The following SUGCT variants were observed in gnomAD, a reference collection of about 807,000 sequenced individuals.
SUGCT encodes succinyl-CoA:glutarate CoA-transferase.
In SUGCT, 41 loss-of-function variants were observed where a neutral mutation model predicts 55.0. The observed-to-expected ratio is 0.74, with a 90% CI of 0.58 to 0.97. SUGCT has a LOEUF of 0.97. Ranked by LOEUF, SUGCT falls within the 50% of genes least tolerant of loss-of-function variation. The probability of loss-of-function intolerance (pLI) is 0.00; values close to 1 mark genes in which losing one functional copy is unlikely to be tolerated. For missense variants in SUGCT, 568 were observed against 547.8 expected, an observed-to-expected ratio of 1.04 and a Z score of -0.37; for synonymous variants, 187 against 200.4, an observed-to-expected ratio of 0.93 and a Z score of 0.56.
At chr7:40,866,275 A>G in the SUGCT span, among the ~76,000 whole-genome samples, 1 of 152,102 alleles carries the variant, frequency 6.6e-6, no homozygotes, top group Non-Finnish European at 1.5e-5. Context: ...ATGTGGCAAC[A>G]CGCATAACAC....
the SUGCT span, among the ~76,000 whole-genome samples, chr7:41,023,740 T>C: frequency 0.091 from 13,835 of 152,010 alleles, 1,261 homozygotes; most frequent in African/African-American, 0.23. Flanking sequence ...CAGCAGGGAT[T>C]CTGGGAAGGG....
chr7:40,455,224 T>C (rs1295570794), intron 10 of SUGCT, among the ~76,000 whole-genome samples: 1 of 152,172 alleles, frequency 6.6e-6, no homozygotes, highest in African/African-American at 2.4e-5. Flanking sequence ...TCATTAAACA[T>C]CTATGCAAAA....
chr7:40,208,335 A>G (rs990229043), intron 6 of SUGCT, among the ~76,000 whole-genome samples: 1 of 152,106 alleles, frequency 6.6e-6, no homozygotes, highest in Non-Finnish European at 1.5e-5. Flanking sequence ...GTTAAAACTA[A>G]TTTTTTTGTT....
intron 12 of SUGCT, among the ~76,000 whole-genome samples, chr7:40,643,927 C>T (rs980895195): frequency 3.9e-5 from 6 of 152,158 alleles, no homozygotes; most frequent in Admixed American, 1.3e-4. Context: ...AGTTTGCCTG[C>T]GGGCAGGACA....
chr7:40,629,219 T>C (rs955799702), intron 12 of SUGCT, among the ~76,000 whole-genome samples: 3 of 152,174 alleles, frequency 2.0e-5, no homozygotes, highest in Non-Finnish European at 4.4e-5. Context: ...TTTATGTGGT[T>C]TGAAACAATG....
At chr7:40,634,662 G>T (rs1017701571) in intron 12 of SUGCT, among the ~76,000 whole-genome samples, 2 of 152,186 alleles carry the variant, frequency 1.3e-5, no homozygotes, top group African/African-American at 4.8e-5. Context: ...GTTTTAAAAC[G>T]CGAGGGAATT....
chr7:40,454,612 G>A (rs377359179), intron 10 of SUGCT, among the ~76,000 whole-genome samples: 2,734 of 29,708 alleles, frequency 0.092, 56 homozygotes, highest in African/African-American at 0.31. Context: ...AAAACACCCA[G>A]AGGGGGAAAA....
intron 12 of SUGCT, among the ~76,000 whole-genome samples, chr7:40,679,155 TA>T (rs1184065363): frequency 6.6e-6 from 1 of 152,186 alleles, no homozygotes; most frequent in Non-Finnish European, 1.5e-5. Flanking sequence ...AACGTCTCTG[TA>T]GTATGTCTAC....
chr7:40,272,141 CATATATATAT>C (rs58480323), intron 7 of SUGCT, among the ~76,000 whole-genome samples: 1,236 of 46,372 alleles, frequency 0.027, 10 homozygotes, highest in Non-Finnish European at 0.036. Flanking sequence ...TGCAATGTGA[CATATATATAT>C]ATATATATAT....
At chr7:40,568,320 TAC>T (rs1055802059) in intron 12 of SUGCT, among the ~76,000 whole-genome samples, 1 of 151,728 alleles carries the variant, frequency 6.6e-6, no homozygotes, top group Non-Finnish European at 1.5e-5. Context: ...TTATCAGTGA[TAC>T]ACACACACAC....
chr7:40,953,834 C>T, the SUGCT span, among the ~76,000 whole-genome samples: 1,003 of 152,326 alleles, frequency 6.6e-3, 11 homozygotes, highest in African/African-American at 0.023. Flanking sequence ...GAGGGGTACC[C>T]GGCCACGTGA....
chr7:40,848,466 A>G (rs941745163), intron 13 of SUGCT, among the ~76,000 whole-genome samples: 5 of 152,106 alleles, frequency 3.3e-5, no homozygotes, highest in African/African-American at 7.2e-5. Context: ...ATAAACCTCC[A>G]TGATTGAGAC....
At chr7:40,371,036 A>G (rs1480874726) in intron 9 of SUGCT, among the ~76,000 whole-genome samples, 1 of 152,130 alleles carries the variant, frequency 6.6e-6, no homozygotes, top group Admixed American at 6.6e-5. Flanking sequence ...CCAGAGCTAG[A>G]TAGTCCCACT....
chr7:40,316,832 C>A lies in SUGCT; in HGVS notation c.793C>A (p.His265Asn). 1 of 1,594,630 alleles carries A rather than the reference C, an allele frequency of 6.3e-7. No homozygotes were observed. Residue 265 changes from histidine to asparagine, a missense_variant, in exon 9 of 14, where the codon CAT becomes AAT. By Grantham distance (68) the His-to-Asn change is moderately conservative. Transcript: ENST00000335693. ...GGAAGCAAAACGTTGGGGTACAGCT[C>A]ATGGCAGTATCGTTCCTTACCAGGT... The part of the protein sequence containing the change: ...QKEAKRWGTA[H>N]GSIVPYQAFK...
chr7:40,159,374 GTTGT>G (rs922267181), intron 1 of SUGCT, among the ~76,000 whole-genome samples: 5 of 151,724 alleles, frequency 3.3e-5, no homozygotes, highest in East Asian at 1.9e-4. Context: ...AATTGTTGTC[GTTGT>G]TTGTTTGTTT....
At chr7:40,470,747 GTCTCTCTCTCTCTCTC>G (rs34012862) in intron 11 of SUGCT, among the ~76,000 whole-genome samples, 2 of 146,286 alleles carry the variant, frequency 1.4e-5, no homozygotes, top group Admixed American at 6.8e-5. Flanking sequence ...TAAGTGAACA[GTCTCTCTCTCTCTCTC>G]TCTCTCTCTC....
intron 9 of SUGCT, among the ~76,000 whole-genome samples, chr7:40,369,294 G>A (rs1046620480): frequency 6.6e-6 from 1 of 152,114 alleles, no homozygotes; most frequent in Admixed American, 6.6e-5. Context: ...GTGGAAGATG[G>A]CAATGAAGTA....
intron 7 of SUGCT, among the ~76,000 whole-genome samples, chr7:40,242,114 T>C (rs1257122064): frequency 2.6e-5 from 4 of 152,078 alleles, no homozygotes; most frequent in East Asian, 1.9e-4. Flanking sequence ...ATTTTACATA[T>C]GTATTTTGAT....
chr7:40,961,922 T>A, the SUGCT span, among the ~76,000 whole-genome samples: 1 of 152,162 alleles, frequency 6.6e-6, no homozygotes, highest in Non-Finnish European at 1.5e-5. Flanking sequence ...ATAAAGGTAG[T>A]GCAGACCCAA....
Sources: allele counts gnomAD v4.1 joint callset (sites outside exome capture counted in the v4.1 genomes callset), GRCh38; gene constraint gnomAD v4.1.1; transcripts MANE v1.5; gene names NCBI Gene and HGNC (gene_info 2026-07-23, HGNC 2026-07-21).